The following ZNF438 variants were observed in gnomAD, a reference collection of about 807,000 sequenced individuals.
The protein encoded by ZNF438 is zinc finger protein 438.
Under a neutral mutation model 38.0 loss-of-function variants are expected in ZNF438, and 25 were observed. The ratio of observed to expected loss-of-function variants is 0.66; its 90% CI spans 0.48 to 0.92. The LOEUF (loss-of-function observed/expected upper bound fraction) is 0.92, where lower values mean the gene tolerates loss of function less well. Ranked by LOEUF, ZNF438 falls within the 40% of genes least tolerant of loss-of-function variation. The pLI, the probability that ZNF438 is intolerant of heterozygous loss-of-function variation, is 0.00. For missense variants in ZNF438, 1,007 were observed against 999.6 expected (o/e 1.01, Z -0.10); for synonymous variants, 372 against 364.1 (o/e 1.02, Z -0.25).
chr10:30,951,656 C>T (rs2048213894), intron 1 of ZNF438, among the ~76,000 whole-genome samples: 1 of 152,024 alleles, frequency 6.6e-6, no homozygotes, highest in Admixed American at 6.6e-5. Context: ...ACAATTGCTT[C>T]AAAGAGAATA....
intron 1 of ZNF438, among the ~76,000 whole-genome samples, chr10:31,007,772 ATAG>A (rs2055300263): frequency 6.6e-6 from 1 of 152,220 alleles, no homozygotes; most frequent in Non-Finnish European, 1.5e-5. Context: ...AGTTCTATTA[ATAG>A]TAGAACACAC....
chr10:30,848,632 C>A, exon 5 of ZNF438: 1 of 1,614,194 alleles, frequency 6.2e-7, no homozygotes, highest in South Asian at 1.1e-5. Context: ...TGATCACAAC[C>A]CTATGCACTT....
At chr10:30,998,091 T>C (rs1184500476) in intron 1 of ZNF438, among the ~76,000 whole-genome samples, 2 of 152,214 alleles carry the variant, frequency 1.3e-5, no homozygotes, top group African/African-American at 4.8e-5. Flanking sequence ...AAAGATACTT[T>C]CACAAGACAG....
intron 1 of ZNF438, among the ~76,000 whole-genome samples, chr10:30,973,896 C>A (rs928006444): frequency 1.3e-5 from 2 of 152,218 alleles, no homozygotes; most frequent in South Asian, 4.1e-4. Context: ...GCCCACCCTG[C>A]GTGTGACCAT....
chr10:30,896,546 C>T (rs1301057379), intron 3 of ZNF438, among the ~76,000 whole-genome samples: 3 of 152,002 alleles, frequency 2.0e-5, no homozygotes, highest in African/African-American at 4.8e-5. Context: ...ATGAAATAAG[C>T]CCGTCAGAAA....
chr10:30,845,569 T>C (rs1429549149), exon 6 of ZNF438: 1 of 1,607,726 alleles, frequency 6.2e-7, no homozygotes, highest in East Asian at 2.2e-5. Context: ...TTGGACTTGT[T>C]TTCCCTGAAA....
In ZNF438 at chr10:30,849,525, T is replaced by C. The variant is rs746715920; in HGVS notation, c.880A>G (p.Ile294Val). ...GTCTTCATTCTTGAGTAGGGTGGGA[T>C]TGGCAGTTTCCCTTTGGGGACTGAA... The change falls in exon 5 of 6, where the codon ATC becomes GTC. Residue 294 changes from isoleucine to valine, a missense_variant. By Grantham distance (29) the Ile-to-Val change is conservative. Transcript: ENST00000413025. 1.1e-5 allele frequency: 18 copies of C among 1,614,130 alleles called. No individual in the cohort carries two copies. In the East Asian group the frequency reaches 2.4e-4, roughly 22 times the overall value.
In ZNF438 at chr10:30,952,371, C is replaced by T. The variant is rs563608966; in HGVS notation, c.-191-10720G>A. 3.4e-3 allele frequency among the ~76,000 whole-genome samples: 514 copies of T among 152,048 alleles called. 3 individuals are homozygous for T. The highest frequency in any genetic ancestry group is 0.011 in the African/African-American group (457 of 41,476). On this transcript the variant is annotated intron_variant, in intron 1 of 5. Transcript: ENST00000413025. ...GACTTCATGTCTAAAACACCAAAAG[C>T]AATGGCAACAAAAGCCAAAACTGAC...
In ZNF438 at chr10:30,906,981, T is replaced by C. The variant is rs1228114949; in HGVS notation, c.-32+1952A>G. ...TCCAGTATTTTGTTGAGAATTTTTCTTTGTTAGTTTAAGACATAGTCTTGC... is the reference window on the plus strand; with the variant it reads ...TCCAGTATTTTGTTGAGAATTTTTCCTTGTTAGTTTAAGACATAGTCTTGC... On this transcript the variant is annotated intron_variant, in intron 3 of 5. Transcript: ENST00000413025. Among the ~76,000 whole-genome samples the C allele has an allele frequency of 2.0e-5, 3 of 152,208 alleles. No homozygotes were observed. In the East Asian group the frequency reaches 5.8e-4, roughly 29 times the overall value.
At chr10:30,971,270 G>GT (rs1291562802) in intron 1 of ZNF438, among the ~76,000 whole-genome samples, 1 of 152,168 alleles carries the variant, frequency 6.6e-6, no homozygotes, top group African/African-American at 2.4e-5. Flanking sequence ...TAACTACGCA[G>GT]TAAGTGTCAG....
intron 4 of ZNF438, among the ~76,000 whole-genome samples, chr10:30,867,373 T>C (rs1028400066): frequency 6.6e-6 from 1 of 152,212 alleles, no homozygotes; most frequent in African/African-American, 2.4e-5. Context: ...AATTGTGGTT[T>C]TTGTCATTAG....
chr10:30,958,312 T>C (rs893660912), intron 1 of ZNF438, among the ~76,000 whole-genome samples: 1 of 147,110 alleles, frequency 6.8e-6, no homozygotes, highest in Admixed American at 6.8e-5. Flanking sequence ...TACACTGCAC[T>C]ATAACAAAAA....
At chr10:31,019,417 A>T (rs1045620752) in intron 1 of ZNF438, among the ~76,000 whole-genome samples, 2 of 152,244 alleles carry the variant, frequency 1.3e-5, no homozygotes, top group African/African-American at 4.8e-5. Context: ...TGGGATGACG[A>T]AAGATTTCTT....
chr10:31,007,147 G>A (rs2055213673), intron 1 of ZNF438, among the ~76,000 whole-genome samples: 1 of 152,060 alleles, frequency 6.6e-6, no homozygotes, highest in South Asian at 2.1e-4. Flanking sequence ...CAAGAAAATT[G>A]ACCTCCCCTA....
intron 1 of ZNF438, among the ~76,000 whole-genome samples, chr10:30,970,105 T>TAC (rs55745286): frequency 0.027 from 3,944 of 145,168 alleles, 74 homozygotes; most frequent in Admixed American, 0.059. Flanking sequence ...TGCTGGCTGA[T>TAC]ACACACACAC....
chr10:30,909,795 A>G (rs1424909873), intron 2 of ZNF438, among the ~76,000 whole-genome samples: 1 of 152,216 alleles, frequency 6.6e-6, no homozygotes, highest in Non-Finnish European at 1.5e-5. Flanking sequence ...CTGTGCCTTA[A>G]GCAGTCATAT....
chr10:30,962,213 C>A (rs2049574323), intron 1 of ZNF438, among the ~76,000 whole-genome samples: 1 of 146,944 alleles, frequency 6.8e-6, no homozygotes, highest in African/African-American at 2.4e-5. Flanking sequence ...TCAGATCAAT[C>A]TCAAACCTTA....
chr10:30,929,237 T>C (rs528157947), intron 2 of ZNF438, among the ~76,000 whole-genome samples: 11 of 152,330 alleles, frequency 7.2e-5, no homozygotes, highest in African/African-American at 2.6e-4. Context: ...GACTTCAAGA[T>C]GAAGCCATGG....
chr10:31,007,302 G>A (rs1315736921), intron 1 of ZNF438, among the ~76,000 whole-genome samples: 1 of 126,208 alleles, frequency 7.9e-6, no homozygotes, highest in African/African-American at 3.2e-5. Context: ...TTTTTTTGGA[G>A]ACAGAGTCTC....
Sources: gnomAD v4.1 joint callset for allele counts (sites outside exome capture counted in the v4.1 genomes callset) on GRCh38, gnomAD v4.1.1 for gene constraint, MANE v1.5 for transcripts, NCBI Gene and HGNC (gene_info 2026-07-23, HGNC 2026-07-21) for gene names.